Variants in DICER1 observed in about 807,000 individuals in gnomAD.
DICER1 encodes the protein endoribonuclease Dicer.
In DICER1, 43 loss-of-function variants were observed where a neutral mutation model predicts 194.1. That is an observed-to-expected ratio of 0.22 (90% CI 0.17 to 0.29). DICER1 has a LOEUF of 0.29. DICER1 is among the 10% of genes least tolerant of loss of function. The probability of loss-of-function intolerance (pLI) is 1.00; values close to 1 mark genes in which losing one functional copy is unlikely to be tolerated. For synonymous variants in DICER1, 832 were observed against 820.5 expected (o/e 1.01, Z -0.24); for missense variants, 1,608 against 2,317.0 (o/e 0.69, Z 6.28).
intron 11 of DICER1, among the ~76,000 whole-genome samples, chr14:95,115,059 C>T (rs1892315021): frequency 6.6e-6 from 1 of 152,090 alleles, no homozygotes; most frequent in Non-Finnish European, 1.5e-5. Context: ...CTGAATGAGT[C>T]TCTCTTGGTG....
intron 23 of DICER1, chr14:95,095,384 C>T: frequency 2.9e-5 from 6 of 203,836 alleles, no homozygotes; most frequent in East Asian, 1.2e-4. Flanking sequence ...TTAATCTATC[C>T]ATCTTTAAAA....
rs1892589674 is a variant in DICER1, at chr14:95,117,604, T to A, written c.1509+18A>T. ...GTCCCGAAAACTGTTATTGTACACT[T>A]ATTTTGATTTAAGTTACCTCTTCCT... is the stretch of plus-strand genomic sequence containing the variant. On this transcript the variant is annotated intron_variant, in intron 9 of 26. Transcript: ENST00000343455. The A allele has an allele frequency of 6.2e-7, 1 of 1,613,910 alleles. No homozygotes were observed. The highest frequency in any genetic ancestry group is 2.2e-5 in the East Asian group (1 of 44,858).
At chr14:95,103,202 T>C in intron 21 of DICER1, 144 bp downstream of exon 21, 6 of 902,640 alleles carry the variant, frequency 6.6e-6, no homozygotes, top group Middle Eastern at 2.2e-4. Context: ...CTGGCCCTGG[T>C]AGAACAAGGG....
At chr14:95,129,655 C>CTAA in intron 5 of DICER1, 23 bp from the exon 6 acceptor site, 1 of 1,604,560 alleles carries the variant, frequency 6.2e-7, no homozygotes, top group Non-Finnish European at 8.5e-7. Context: ...AAGATACTGA[C>CTAA]AGTAAAGACT....
intron 1 of DICER1, among the ~76,000 whole-genome samples, chr14:95,154,435 C>T (rs1895710708): frequency 6.6e-6 from 1 of 152,102 alleles, no homozygotes; most frequent in African/African-American, 2.4e-5. Context: ...TTCACAGTAG[C>T]CAAAAGATAG....
chr14:95,152,190 CAAT>C (rs1895557899), intron 1 of DICER1, among the ~76,000 whole-genome samples: 1 of 152,164 alleles, frequency 6.6e-6, no homozygotes, highest in South Asian at 2.1e-4. Context: ...AGAAAGTCTG[CAAT>C]ACAGTTAAAC....
In DICER1 at chr14:95,124,740, T is replaced by C. The variant is rs1464966528; in HGVS notation, c.904-72A>G. The C allele has an allele frequency of 1.8e-5, 23 of 1,302,848 alleles. No individual in the cohort carries two copies. The highest frequency in any genetic ancestry group is 2.0e-5 in the Non-Finnish European group (18 of 908,288). 80.7% of individuals were successfully genotyped at this position (1,302,848 alleles called of 1,614,324 possible). Reference sequence around the variant, plus strand: ...GTAGCATTTTCATGTGGGGTTTAACTGGGATTTCAGTTGTTCTCAAATGGC... The same window carrying C: ...GTAGCATTTTCATGTGGGGTTTAACCGGGATTTCAGTTGTTCTCAAATGGC... On this transcript the variant is annotated intron_variant, in intron 7 of 26. Coordinates refer to ENST00000343455, the MANE Select transcript of DICER1 (RefSeq NM_177438.3). This position sits in a 1 kb window ranked among gnomAD's most constrained non-coding sequence, Gnocchi z 4.5.
At chr14:95,121,537 A>G (rs767190756) in intron 8 of DICER1, among the ~76,000 whole-genome samples, 4 of 152,200 alleles carry the variant, frequency 2.6e-5, no homozygotes, top group Non-Finnish European at 4.4e-5. Context: ...TCCAAAATAA[A>G]AAGTTATTAG....
Position 95,131,566 on chromosome 14 carries a change from T to C in DICER1, c.381A>G (p.Leu127=), listed in dbSNP as rs771828271. ...CTTTTGTCCAAGATGCATTTACTTC[T>C]AGGTTTGAGTATTCCCCAACCTTGA... is the stretch of plus-strand genomic sequence containing the variant. The part of the protein sequence containing the change: ...SDLKVGEYSN[L]EVNASWTKER... Residue 127 remains leucine, a synonymous_variant, in exon 4 of 27, where the codon CTA becomes CTG. Transcript: ENST00000343455. 14 of 1,612,352 alleles carry C rather than the reference T, an allele frequency of 8.7e-6. No individual in the cohort carries two copies.
In DICER1 at chr14:95,090,502, C is replaced by T. The variant is rs1220636958; in HGVS notation, c.5765G>A (p.Ser1922Asn). 6.2e-7 allele frequency: 1 copy of T among 1,613,690 alleles called. No homozygotes were observed. Among genetic ancestry groups the T allele is most frequent in the East Asian group, 2.2e-5 (1 of 44,882 alleles). Residue 1922 changes from serine to asparagine, a missense_variant, in exon 27 of 27, where the codon AGC (serine) becomes AAC (asparagine). Coordinates refer to ENST00000343455, the MANE Select transcript of DICER1 (RefSeq NM_177438.3). ...TTTGAATTTTAAAAAGCGGTTTCAG[C>T]TATTGGGAACCTGAGGTTGATTAGC... is the stretch of plus-strand genomic sequence containing the variant. Reference protein sequence around the residue: ...LKANQPQVPNS With the variant: ...LKANQPQVPNN
At chr14:95,154,849 T>A (rs1895736365) in intron 1 of DICER1, among the ~76,000 whole-genome samples, 1 of 150,412 alleles carries the variant, frequency 6.6e-6, no homozygotes. Context: ...CGTTGTGTTA[T>A]GTATATTTTA....
In DICER1 at chr14:95,126,675, G is replaced by A. The variant is rs1205919103; in HGVS notation, c.808C>T (p.Leu270=). The part of the protein sequence containing the change: ...FTDRSGLYER[L]LMELEEALNF... ...AGTGCTTCTTCTAATTCCATCAGCA[G>A]TCTTTCATAAAGCCCACTTCTGTCA... is the stretch of plus-strand genomic sequence containing the variant. The change falls in exon 7 of 27, where the codon CTG becomes TTG. Residue 270 remains leucine, a synonymous_variant. Transcript: ENST00000343455. The A allele has an allele frequency of 1.3e-6, 2 of 1,599,302 alleles. No homozygotes were observed. Among genetic ancestry groups the A allele is most frequent in the South Asian group, 1.1e-5 (1 of 90,764 alleles).
intron 14 of DICER1, among the ~76,000 whole-genome samples, chr14:95,110,935 C>T (rs1566781614): frequency 6.6e-6 from 1 of 152,112 alleles, no homozygotes. Flanking sequence ...TTTTCACTTG[C>T]TTATTTTATC....
Position 95,157,265 on chromosome 14 carries a change from T to G in DICER1, c.-81A>C, listed in dbSNP as rs1163828679. 3.3e-5 allele frequency: 5 copies of G among 151,044 alleles called. No individual in the cohort carries two copies. Among genetic ancestry groups the G allele is most frequent in the African/African-American group, 1.2e-4 (5 of 41,222 alleles). 9.4% of individuals were successfully genotyped at this position (151,044 alleles called of 1,614,324 possible). ...GGGCGCCGCGGGCCTTCGAGAACCA[T>G]CGGACCCCGCTCCGGCGCGCGCGTC... On this transcript the variant is annotated 5_prime_UTR_variant, in exon 1 of 27. An upstream start codon of the reference 5' UTR is lost. Coordinates refer to ENST00000343455, the MANE Select transcript of DICER1 (RefSeq NM_177438.3).
chr14:95,102,767 C>T (rs1445151864), intron 21 of DICER1, among the ~76,000 whole-genome samples: 4 of 152,102 alleles, frequency 2.6e-5, no homozygotes, highest in Non-Finnish European at 5.9e-5. Flanking sequence ...TTTAAGAGCC[C>T]GCCCTTTCTC....
Position 95,090,348 on chromosome 14 carries a change from C to G in DICER1, c.*150G>C. On this transcript the variant is annotated 3_prime_UTR_variant, in exon 27 of 27. Transcript: ENST00000343455. The stretch of plus-strand genomic sequence containing the variant: ...TTATACATATGTTAAATGTTTTATT[C>G]TGTTATCTATCCTGTTATCAACCAA... The G allele has an allele frequency of 1.2e-6, 1 of 839,620 alleles. No homozygotes were observed. Among genetic ancestry groups the G allele is most frequent in the Non-Finnish European group, 1.9e-6 (1 of 529,498 alleles). The allele number at this position is 839,620 out of a possible 1,614,324, so 52.0% of individuals were successfully genotyped here.
chr14:95,107,568 A>G (rs376924342), intron 17 of DICER1, 40 bp downstream of exon 17: 85 of 1,610,296 alleles, frequency 5.3e-5, no homozygotes, highest in East Asian at 2.2e-4. Flanking sequence ...CTTTTAAAAC[A>G]AAGTATCACC....
At chr14:95,151,263 T>G (rs1331775180) in intron 1 of DICER1, among the ~76,000 whole-genome samples, 2 of 152,182 alleles carry the variant, frequency 1.3e-5, no homozygotes, top group Non-Finnish European at 2.9e-5. Flanking sequence ...TAGATAATCC[T>G]CCTCGAAAAC....
chr14:95,156,641 G>A (rs1382190888), intron 1 of DICER1, among the ~76,000 whole-genome samples: 2 of 152,234 alleles, frequency 1.3e-5, no homozygotes, highest in African/African-American at 4.8e-5. Context: ...AGGCATTTTG[G>A]CACAAAAACA....
Sources: allele counts gnomAD v4.1 joint callset (sites outside exome capture counted in the v4.1 genomes callset), GRCh38; gene constraint gnomAD v4.1.1; non-coding constraint Gnocchi (gnomAD v3.1); transcripts MANE v1.5; gene names NCBI Gene and HGNC (gene_info 2026-07-23, HGNC 2026-07-21).